The following MINPP1 variants were observed in gnomAD, a reference collection of about 807,000 sequenced individuals.
MINPP1 encodes multiple inositol polyphosphate phosphatase 1.
Under a neutral mutation model 46.1 loss-of-function variants are expected in MINPP1, and 28 were observed. The ratio of observed to expected loss-of-function variants is 0.61; its 90% CI spans 0.45 to 0.83. The LOEUF is 0.83. Among genes scored for constraint, MINPP1 ranks in the 40% least tolerant of loss-of-function variants. The probability of loss-of-function intolerance (pLI) is 0.00; values close to 1 mark genes in which losing one functional copy is unlikely to be tolerated. For synonymous variants in MINPP1, 268 were observed against 249.1 expected (o/e 1.08, Z -0.72); for missense variants, 603 against 610.0 (o/e 0.99, Z 0.12).
intron 4 of MINPP1, among the ~76,000 whole-genome samples, chr10:87,528,987 C>A (rs1398091016): frequency 2.6e-5 from 4 of 152,146 alleles, no homozygotes; most frequent in Non-Finnish European, 5.9e-5. Flanking sequence ...CTCTTTTGAT[C>A]TTTGCTGGTG....
intron 2 of MINPP1, 141 bp from the exon 3 acceptor site, chr10:87,512,983 A>G (rs984418908): frequency 2.9e-6 from 2 of 695,640 alleles, no homozygotes; most frequent in African/African-American, 1.8e-5. Flanking sequence ...GATAGCCAGG[A>G]AGAAACTAAA....
chr10:87,546,006 CG>C (rs773808523), intron 4 of MINPP1, among the ~76,000 whole-genome samples: 1 of 151,994 alleles, frequency 6.6e-6, no homozygotes, highest in Non-Finnish European at 1.5e-5. Context: ...CTTGGCTTCA[CG>C]GAGGCAAGAA....
chr10:87,552,575 ATTAC>A lies in MINPP1; in HGVS notation c.*100_*103del. The A allele has an allele frequency of 1.7e-6, 2 of 1,202,030 alleles. No individual in the cohort carries two copies. The highest frequency in any genetic ancestry group is 2.4e-6 in the Non-Finnish European group (2 of 828,506). 74.5% of individuals were successfully genotyped at this position (1,202,030 alleles called of 1,614,324 possible). The stretch of plus-strand genomic sequence containing the variant: ...TTCCTTGATTACAGGAAGCTTTTAT[ATTAC>A]TTGAGTATTTCTGTCTTTTCACAGA... On this transcript the variant is annotated 3_prime_UTR_variant, in exon 5 of 5. Coordinates refer to ENST00000371996, the MANE Select transcript of MINPP1 (RefSeq NM_004897.5).
At chr10:87,524,849 A>G (rs1851552039) in intron 4 of MINPP1, among the ~76,000 whole-genome samples, 2 of 152,226 alleles carry the variant, frequency 1.3e-5, no homozygotes, top group South Asian at 2.1e-4. Context: ...TGGCACCCCA[A>G]AACAATTACA....
chr10:87,506,298 CTTAA>C (rs1851248905), intron 1 of MINPP1, among the ~76,000 whole-genome samples: 1 of 152,016 alleles, frequency 6.6e-6, no homozygotes, highest in Non-Finnish European at 1.5e-5. Flanking sequence ...AGTATGCCTT[CTTAA>C]TTGTCTTTCT....
chr10:87,551,316 G>A (rs894820452), intron 4 of MINPP1, among the ~76,000 whole-genome samples: 8 of 151,686 alleles, frequency 5.3e-5, no homozygotes, highest in African/African-American at 1.5e-4. Flanking sequence ...GTTTGAATAG[G>A]TTTACAAATT....
chr10:87,536,468 G>C (rs770287372), intron 4 of MINPP1, among the ~76,000 whole-genome samples: 7 of 151,388 alleles, frequency 4.6e-5, no homozygotes, highest in African/African-American at 7.4e-5. Context: ...AATTTGGTCA[G>C]TTTTTACATA....
Position 87,552,542 on chromosome 10 carries a change from G to T in MINPP1, c.*64G>T. On this transcript the variant is annotated 3_prime_UTR_variant, in exon 5 of 5. Coordinates refer to ENST00000371996, the MANE Select transcript of MINPP1 (RefSeq NM_004897.5). ...ATGAGTGATTACATGCTTGTAATAG[G>T]TAGGCAATTCCTTGATTACAGGAAG... 6.8e-7 allele frequency: 1 copy of T among 1,475,008 alleles called. No individual in the cohort carries two copies. Among genetic ancestry groups the T allele is most frequent in the South Asian group, 1.2e-5 (1 of 86,562 alleles). The allele number at this position is 1,475,008 out of a possible 1,614,324, so 91.4% of individuals were successfully genotyped here.
intron 4 of MINPP1, among the ~76,000 whole-genome samples, chr10:87,529,827 A>G (rs1361569929): frequency 6.6e-6 from 1 of 152,152 alleles, no homozygotes; most frequent in African/African-American, 2.4e-5. Context: ...TCTCCCCATC[A>G]CTTTCAGGTA....
intron 4 of MINPP1, 120 bp from the exon 5 acceptor site, chr10:87,551,962 T>TA (rs917137785): frequency 7.3e-6 from 6 of 823,728 alleles, no homozygotes; most frequent in Admixed American, 2.9e-5. Context: ...TATAAAGATT[T>TA]AAAAAAATAG....
At chr10:87,543,203 A>G (rs1851840987) in intron 4 of MINPP1, among the ~76,000 whole-genome samples, 1 of 152,228 alleles carries the variant, frequency 6.6e-6, no homozygotes, top group African/African-American at 2.4e-5. Context: ...ATGATCTAAT[A>G]TGGGAGCAAA....
At chr10:87,519,562 G>A (rs1015998228) in intron 3 of MINPP1, among the ~76,000 whole-genome samples, 1 of 152,124 alleles carries the variant, frequency 6.6e-6, no homozygotes, top group East Asian at 1.9e-4. Flanking sequence ...TGCTACCTTT[G>A]GAAGGGACAC....
intron 4 of MINPP1, among the ~76,000 whole-genome samples, chr10:87,535,895 C>G (rs1218898192): frequency 6.6e-6 from 1 of 152,098 alleles, no homozygotes; most frequent in Non-Finnish European, 1.5e-5. Flanking sequence ...TGCCACTGTA[C>G]TCCAGCTTGG....
At chr10:87,536,658 A>AT (rs1049084747) in intron 4 of MINPP1, among the ~76,000 whole-genome samples, 26 of 151,592 alleles carry the variant, frequency 1.7e-4, no homozygotes, top group Admixed American at 5.3e-4. Flanking sequence ...ATCATAGTGA[A>AT]TTTTTTTTTG....
chr10:87,514,061 A>G (rs1294015977), intron 3 of MINPP1, among the ~76,000 whole-genome samples: 1 of 152,138 alleles, frequency 6.6e-6, no homozygotes, highest in Non-Finnish European at 1.5e-5. Context: ...GGGCCCACCT[A>G]GATAGTCCAG....
chr10:87,521,628 A>G (rs774935314), intron 4 of MINPP1, among the ~76,000 whole-genome samples: 7 of 152,166 alleles, frequency 4.6e-5, no homozygotes, highest in Non-Finnish European at 1.0e-4. Flanking sequence ...TTAATATTCA[A>G]CATATTATTG....
chr10:87,510,448 A>C (rs1298964105), intron 2 of MINPP1, among the ~76,000 whole-genome samples: 3 of 152,240 alleles, frequency 2.0e-5, no homozygotes, highest in African/African-American at 4.8e-5. Context: ...ATCGAATTTT[A>C]CTGCTGTAAG....
rs1178647038 is a variant in MINPP1, at chr10:87,505,068, T to G, written c.153T>G (p.Thr51=). ...TCAGCCCCTATTTCGGCACCAAGAC[T>G]CGCTACGAGGATGTCAACCCCGTGC... ...SSLSPYFGTK[T]RYEDVNPVLL... The change falls in exon 1 of 5, where the codon ACT becomes ACG. Residue 51 remains threonine, a synonymous_variant. Coordinates refer to ENST00000371996, the MANE Select transcript of MINPP1 (RefSeq NM_004897.5). The surrounding 1 kb of genome is among the most constrained non-coding windows in gnomAD (Gnocchi z 4.4). 2 of 1,613,406 alleles carry G rather than the reference T, an allele frequency of 1.2e-6. No homozygotes were observed. Among genetic ancestry groups the G allele is most frequent in the Non-Finnish European group, 1.7e-6 (2 of 1,179,922 alleles).
intron 4 of MINPP1, among the ~76,000 whole-genome samples, chr10:87,547,306 T>C (rs1424704080): frequency 6.6e-6 from 1 of 151,994 alleles, no homozygotes; most frequent in Non-Finnish European, 1.5e-5. Context: ...AGAGATGGGA[T>C]TTTACTAGGT....
Sources: gnomAD v4.1 joint callset for allele counts (sites outside exome capture counted in the v4.1 genomes callset) on GRCh38, gnomAD v4.1.1 for gene constraint, Gnocchi (gnomAD v3.1) non-coding constraint, MANE v1.5 for transcripts, NCBI Gene and HGNC (gene_info 2026-07-23, HGNC 2026-07-21) for gene names.